Variants in ASF1B observed in about 807,000 individuals in gnomAD.
The protein encoded by ASF1B is histone chaperone ASF1B.
Under a neutral mutation model 16.6 loss-of-function variants are expected in ASF1B, and 10 were observed. That is an observed-to-expected ratio of 0.60 (90% CI 0.37 to 1.02). The LOEUF is 1.02. Ranked by LOEUF, ASF1B falls within the 50% of genes least tolerant of loss-of-function variation. The pLI is 0.01. For synonymous variants in ASF1B, 101 were observed against 106.2 expected (o/e 0.95, Z 0.30); for missense variants, 240 against 266.0 (o/e 0.90, Z 0.68).
rs1358056461 is a variant in ASF1B at position 14,120,610 on chromosome 19, C to T, written c.458G>A (p.Trp153Ter). 6.2e-7 allele frequency: 1 copy of T among 1,614,074 alleles called. No homozygotes were observed. Among genetic ancestry groups the T allele is most frequent in the East Asian group, 2.2e-5 (1 of 44,868 alleles). The change falls in exon 4 of 4, where the codon TGG becomes TAG. Residue 153 changes from tryptophan (W) to a stop codon, truncating the protein, a stop_gained. Transcript: ENST00000263382. LOFTEE classifies it high-confidence loss of function. ...CTCCAGCCTGTCCATGTTGTTGTCCCAGTTGATATGGAAGCGGGTCACCCG... is the reference window on the plus strand; with the variant it reads ...CTCCAGCCTGTCCATGTTGTTGTCCTAGTTGATATGGAAGCGGGTCACCCG... ...NPRVTRFHIN[W>*]DNNMDRLEAI...
At chr19:14,127,844 G>T (rs1314701459) in intron 1 of ASF1B, among the ~76,000 whole-genome samples, 1 of 152,110 alleles carries the variant, frequency 6.6e-6, no homozygotes, top group African/African-American at 2.4e-5. Flanking sequence ...CACCATGTTG[G>T]CCAGGTTGGT....
intron 1 of ASF1B, among the ~76,000 whole-genome samples, chr19:14,134,096 G>T (rs1165335694): frequency 1.3e-5 from 2 of 151,998 alleles, no homozygotes; most frequent in African/African-American, 4.8e-5. Flanking sequence ...GAGCCACCGC[G>T]CTCGGCCACA....
intron 1 of ASF1B, among the ~76,000 whole-genome samples, chr19:14,134,392 G>A (rs1452454543): frequency 6.6e-6 from 1 of 151,980 alleles, no homozygotes; most frequent in Non-Finnish European, 1.5e-5. Flanking sequence ...CCTACCCAAA[G>A]CACATCCACA....
At chr19:14,131,052 ATT>A (rs1967396520) in intron 1 of ASF1B, among the ~76,000 whole-genome samples, 1 of 151,294 alleles carries the variant, frequency 6.6e-6, no homozygotes, top group African/African-American at 2.4e-5. Flanking sequence ...TAACTTTTGT[ATT>A]TTTAGTAGAG....
chr19:14,130,787 GTATA>G (rs61351900), intron 1 of ASF1B, among the ~76,000 whole-genome samples: 43 of 142,438 alleles, frequency 3.0e-4, no homozygotes, highest in South Asian at 6.7e-4. Flanking sequence ...GTGTTTGTGT[GTATA>G]TATATATATA....
chr19:14,131,470 C>G (rs1967403748), intron 1 of ASF1B, among the ~76,000 whole-genome samples: 1 of 151,332 alleles, frequency 6.6e-6, no homozygotes, highest in East Asian at 1.9e-4. Context: ...TGTGAGCCAC[C>G]ACACCTGGCT....
chr19:14,131,722 A>C (rs1443144473), intron 1 of ASF1B, among the ~76,000 whole-genome samples: 1 of 146,480 alleles, frequency 6.8e-6, no homozygotes, highest in Non-Finnish European at 1.5e-5. Flanking sequence ...GACCTCAGGT[A>C]ATCTGCCCGC....
At chr19:14,121,418 G>C in intron 3 of ASF1B, 114 bp downstream of exon 3, 1 of 1,192,200 alleles carries the variant, frequency 8.4e-7, no homozygotes, top group Non-Finnish European at 1.2e-6. Flanking sequence ...TGTAAGAACT[G>C]AATATTACTT....
intron 1 of ASF1B, among the ~76,000 whole-genome samples, chr19:14,128,914 T>C (rs1400547728): frequency 1.3e-5 from 2 of 152,208 alleles, no homozygotes; most frequent in African/African-American, 2.4e-5. Flanking sequence ...TAGAATCCTG[T>C]ACGGGTGCAT....
At chr19:14,123,750 T>G (rs2144510608) in intron 2 of ASF1B, among the ~76,000 whole-genome samples, 1 of 151,720 alleles carries the variant, frequency 6.6e-6, no homozygotes, top group Admixed American at 6.6e-5. Flanking sequence ...CACAGATCAC[T>G]GTAAACTCCT....
At chr19:14,127,562 G>C in intron 1 of ASF1B, among the ~76,000 whole-genome samples, 1 of 152,170 alleles carries the variant, frequency 6.6e-6, no homozygotes, top group East Asian at 1.9e-4. Context: ...TGGTCTTCCA[G>C]ATCTGGCACC....
At chr19:14,126,099 G>C (rs1326919766) in intron 2 of ASF1B, 23 bp downstream of exon 2, 2 of 1,532,914 alleles carry the variant, frequency 1.3e-6, no homozygotes, top group Admixed American at 3.8e-5. Context: ...AAGGGCTAAG[G>C]CCTAAGGCCT....
chr19:14,123,138 G>A (rs1388445404), intron 2 of ASF1B, among the ~76,000 whole-genome samples: 1 of 152,146 alleles, frequency 6.6e-6, no homozygotes, highest in Non-Finnish European at 1.5e-5. Context: ...GCAGAGTATC[G>A]CACCAAGTGT....
In ASF1B at chr19:14,136,407, G is replaced by A. The variant is rs770584401; in HGVS notation, c.50C>T (p.Pro17Leu). The change falls in exon 1 of 4, where the codon CCT (proline) becomes CTT (leucine). Residue 17 changes from proline to leucine, a missense_variant. Pro to Leu is a moderately conservative substitution (Grantham distance 98). Transcript: ENST00000263382. ...LNVAVLENPS[P>L]FHSPFRFEIS... Reference sequence around the variant, plus strand: ...CTCGAACCGGAAGGGGCTGTGGAAAGGGCTCGGGTTCTCCAGGACCGCCAC... The same window carrying A: ...CTCGAACCGGAAGGGGCTGTGGAAAAGGCTCGGGTTCTCCAGGACCGCCAC... The A allele has an allele frequency of 1.2e-6, 2 of 1,613,862 alleles. No individual in the cohort carries two copies. Among genetic ancestry groups the A allele is most frequent in the East Asian group, 2.2e-5 (1 of 44,868 alleles).
In ASF1B at chr19:14,136,437, A is replaced by G; in HGVS notation, c.20T>C (p.Leu7Pro). The change falls in exon 1 of 4, where the codon CTG (leucine) becomes CCG (proline). Residue 7 changes from leucine to proline, a missense_variant. Coordinates refer to ENST00000263382, the MANE Select transcript of ASF1B (RefSeq NM_018154.3). MAKVSV[L>P]NVAVLENPSP... is the part of the protein sequence containing the mutation. The stretch of plus-strand genomic sequence containing the variant: ...CGGGTTCTCCAGGACCGCCACGTTC[A>G]GCACCGACACCTTGGCCATCGCCTC... 1 of 1,613,432 alleles carries G rather than the reference A, an allele frequency of 6.2e-7. No homozygotes were observed. Among genetic ancestry groups the G allele is most frequent in the Non-Finnish European group, 8.5e-7 (1 of 1,179,540 alleles).
Position 14,126,168 on chromosome 19 carries a change from A to G in ASF1B, c.179T>C (p.Val60Ala). Residue 60 changes from valine (V) to alanine (A), a missense_variant, in exon 2 of 4, where the codon GTG becomes GCG. Physicochemically the swap from Val to Ala is moderately conservative, Grantham distance 64. Coordinates refer to ENST00000263382, the MANE Select transcript of ASF1B (RefSeq NM_018154.3). ...SEEFDQILDS[V>A]LVGPVPAGRH... ...CCCTGCTGGCACAGGGCCCACCAGCACCGAGTCTAGGATCTGATCAAATTC... is the reference window on the plus strand; with the variant it reads ...CCCTGCTGGCACAGGGCCCACCAGCGCCGAGTCTAGGATCTGATCAAATTC... 1 of 1,612,206 alleles carries G rather than the reference A, an allele frequency of 6.2e-7. No individual in the cohort carries two copies. Among genetic ancestry groups the G allele is most frequent in the East Asian group, 2.2e-5 (1 of 44,858 alleles).
intron 1 of ASF1B, among the ~76,000 whole-genome samples, chr19:14,130,785 G>GTGTA (rs1555776596): frequency 8.7e-6 from 1 of 115,014 alleles, no homozygotes; most frequent in Admixed American, 9.1e-5. Flanking sequence ...GTGTGTTTGT[G>GTGTA]TGTATATATA....
At position 14,121,588 on chromosome 19, in the gene ASF1B, CGTT is replaced by C. The variant is rs776109239; in HGVS notation, c.343_345del (p.Asn115del). ...TCACGCAGCTCAGGGTTGAGGTACT[CGTT>C]GTTGACGTAGTAGCCCACTCGGATG... On this transcript the variant is annotated inframe_deletion, in exon 3 of 4. Transcript: ENST00000263382. 25 of 1,613,826 alleles carry C rather than the reference CGTT, an allele frequency of 1.5e-5. No homozygotes were observed. The highest frequency in any genetic ancestry group is 4.0e-5 in the African/African-American group (3 of 74,834).
At chr19:14,123,560 T>G (rs550922045) in intron 2 of ASF1B, among the ~76,000 whole-genome samples, 2 of 151,872 alleles carry the variant, frequency 1.3e-5, no homozygotes, top group African/African-American at 4.8e-5. Context: ...CTTGTATTTT[T>G]TAGTAGAGAT....
Sources: allele counts gnomAD v4.1 joint callset (sites outside exome capture counted in the v4.1 genomes callset), GRCh38; gene constraint gnomAD v4.1.1; transcripts MANE v1.5; gene names NCBI Gene and HGNC (gene_info 2026-07-23, HGNC 2026-07-21).